ARF1: variants seen among roughly 807,000 people sequenced by gnomAD.
ARF1 encodes ARF GTPase 1, also known as ADP-ribosylation factor 1.
ARF1 carries 1 observed loss-of-function variant against 18.0 expected under a neutral mutation model. The observed-to-expected ratio is 0.06, with a 90% CI of 0.02 to 0.26. ARF1 has a LOEUF of 0.26. Ranked by LOEUF, ARF1 falls within the 10% of genes least tolerant of loss-of-function variation. ARF1 has a pLI of 1.00. For synonymous variants in ARF1, 112 were observed against 96.3 expected, an observed-to-expected ratio of 1.16 and a Z score of -0.95; for missense variants, 73 against 247.2, an observed-to-expected ratio of 0.30 and a Z score of 4.73.
chr1:228,094,042 TCTC>T (rs2032655303), intron 1 of ARF1, among the ~76,000 whole-genome samples: 1 of 150,828 alleles, frequency 6.6e-6, no homozygotes, highest in African/African-American at 2.4e-5. Flanking sequence ...GGCTGCATGA[TCTC>T]CTGGGCATGG....
At chr1:228,093,845 G>A (rs1010392588) in intron 1 of ARF1, among the ~76,000 whole-genome samples, 5 of 150,908 alleles carry the variant, frequency 3.3e-5, no homozygotes, top group East Asian at 2.0e-4. Context: ...AGAGAATCTC[G>A]AACCTGGGAG....
rs1031537964 is a variant in ARF1 at position 228,089,284 on chromosome 1, C to T, written c.-38+6519C>T. On this transcript the variant is annotated intron_variant, in intron 1 of 4. Transcript: ENST00000272102. This position sits in a 1 kb window ranked among gnomAD's most constrained non-coding sequence, Gnocchi z 4.1. ...TGAAGGGAGGTCCCCAGAGTGTCCCCGGGGTGTGCCTTTCTCTCACCTAGG... is the reference window on the plus strand; with the variant it reads ...TGAAGGGAGGTCCCCAGAGTGTCCCTGGGGTGTGCCTTTCTCTCACCTAGG... Among the ~76,000 whole-genome samples the T allele has an allele frequency of 2.6e-5, 4 of 152,146 alleles. No homozygotes were observed. Among genetic ancestry groups the T allele is most frequent in the African/African-American group, 9.7e-5 (4 of 41,428 alleles).
At chr1:228,094,031 AG>A (rs998576881) in intron 1 of ARF1, among the ~76,000 whole-genome samples, 1 of 151,590 alleles carries the variant, frequency 6.6e-6, no homozygotes, top group Non-Finnish European at 1.5e-5. Flanking sequence ...CACTGCCTGC[AG>A]GCTGCATGAT....
At chr1:228,094,907 C>T (rs753734291) in intron 1 of ARF1, among the ~76,000 whole-genome samples, 11 of 152,166 alleles carry the variant, frequency 7.2e-5, no homozygotes, top group Non-Finnish European at 1.0e-4. Context: ...TGGGTCTCAT[C>T]TAGGTCCTTG....
intron 1 of ARF1, chr1:228,088,350 G>A (rs2032472229): frequency 6.6e-6 from 1 of 152,156 alleles, no homozygotes; most frequent in East Asian, 1.9e-4. Flanking sequence ...AGCCTGCTGG[G>A]GTGTGCAGTG....
intron 1 of ARF1, among the ~76,000 whole-genome samples, chr1:228,087,083 C>T (rs2032425611): frequency 6.6e-6 from 1 of 152,146 alleles, no homozygotes; most frequent in African/African-American, 2.4e-5. Context: ...TTTTGAAAGC[C>T]TTCTAGGCAG....
chr1:228,093,955 CAAAAAAAA>C (rs869199671), intron 1 of ARF1, among the ~76,000 whole-genome samples: 3 of 51,154 alleles, frequency 5.9e-5, no homozygotes, highest in Admixed American at 1.9e-4. Flanking sequence ...GACTCTGTCT[CAAAAAAAA>C]AAAAAAAAAA....
In ARF1 at chr1:228,097,518, T is replaced by TG. The variant is rs1346914762; in HGVS notation, c.260-69dup. 37 of 1,613,518 alleles carry TG rather than the reference T, an allele frequency of 2.3e-5. No individual in the cohort carries two copies. The African/African-American group carries it at 4.4e-4, about 19-fold the overall frequency. Reference sequence around the variant, plus strand: ...TAGAGAGGGGGGGCCAGCCCATAGATGGGGCATCGATGCCCATAGATGCGG... The same window carrying TG: ...TAGAGAGGGGGGGCCAGCCCATAGATGGGGGCATCGATGCCCATAGATGCGG... On this transcript the variant is annotated intron_variant, in intron 3 of 4. Coordinates refer to ENST00000272102, the MANE Select transcript of ARF1 (RefSeq NM_001658.4). The surrounding 1 kb of genome is among the most constrained non-coding windows in gnomAD (Gnocchi z 8.1).
intron 1 of ARF1, among the ~76,000 whole-genome samples, chr1:228,086,481 A>G (rs1318200228): frequency 1.3e-5 from 2 of 151,230 alleles, no homozygotes; most frequent in Non-Finnish European, 2.9e-5. Context: ...GCGCCACTGC[A>G]CTCCAGCCTG....
intron 1 of ARF1, chr1:228,091,042 C>T (rs1294703135): frequency 6.6e-6 from 1 of 152,198 alleles, no homozygotes; most frequent in Non-Finnish European, 1.5e-5. Flanking sequence ...TTCACAAATA[C>T]CAAGAAGCAA....
intron 1 of ARF1, among the ~76,000 whole-genome samples, chr1:228,094,365 CT>C (rs2032668890): frequency 6.6e-6 from 1 of 152,118 alleles, no homozygotes; most frequent in African/African-American, 2.4e-5. Context: ...TTCCAACCCC[CT>C]AGTAATAACA....
In ARF1 at chr1:228,089,015, A is replaced by C. The variant is rs763819892; in HGVS notation, c.-38+6250A>C. 6.6e-6 allele frequency among the ~76,000 whole-genome samples: 1 copy of C among 152,158 alleles called. No homozygotes were observed. Among genetic ancestry groups the C allele is most frequent in the African/African-American group, 2.4e-5 (1 of 41,412 alleles). ...CACCTGGCTGACTGGTGTGCTGAGA[A>C]CACGCAGGAGGAGGCTGGAGACGGG... On this transcript the variant is annotated intron_variant, in intron 1 of 4. Transcript: ENST00000272102. The surrounding 1 kb of genome is among the most constrained non-coding windows in gnomAD (Gnocchi z 4.1).
At chr1:228,096,477 C>T (rs1448282871) in intron 1 of ARF1, 1 of 152,380 alleles carries the variant, frequency 6.6e-6, no homozygotes, top group East Asian at 1.9e-4. Context: ...GAGGCCCTTC[C>T]TGCTGGAGTC....
At position 228,098,603 on chromosome 1, in the gene ARF1, C is replaced by T. The variant is rs928595746; in HGVS notation, c.*590C>T. The T allele has an allele frequency of 2.0e-5, 3 of 152,622 alleles. No individual in the cohort carries two copies. Among genetic ancestry groups the T allele is most frequent in the Non-Finnish European group, 2.9e-5 (2 of 68,062 alleles). 9.5% of individuals were successfully genotyped at this position (152,622 alleles called of 1,614,324 possible). A position where few individuals can be genotyped will look rare whatever the true frequency, so the allele number is the denominator to read the frequency against. On this transcript the variant is annotated 3_prime_UTR_variant, in exon 5 of 5. Transcript: ENST00000272102. ...ATTCTGCATGGTCACAGTAGAGATC[C>T]CCGCAACTCGCTTGTCCTTGGGTCA...
At chr1:228,093,503 G>A (rs1036733498) in intron 1 of ARF1, among the ~76,000 whole-genome samples, 9 of 151,992 alleles carry the variant, frequency 5.9e-5, no homozygotes, top group African/African-American at 1.9e-4. Context: ...CGGTAGGAGA[G>A]ACCAAGCTGT....
chr1:228,086,054 G>C (rs1412732973), intron 1 of ARF1, among the ~76,000 whole-genome samples: 4 of 152,176 alleles, frequency 2.6e-5, no homozygotes, highest in Non-Finnish European at 5.9e-5. Context: ...TCCCAGAGTG[G>C]AGAGGGACTG....
At chr1:228,091,641 T>C (rs2032579843) in intron 1 of ARF1, among the ~76,000 whole-genome samples, 1 of 152,204 alleles carries the variant, frequency 6.6e-6, no homozygotes, top group African/African-American at 2.4e-5. Flanking sequence ...TGTGTCACAA[T>C]TGTGCCAGCC....
At chr1:228,093,013 C>CT (rs1226955734) in intron 1 of ARF1, among the ~76,000 whole-genome samples, 2 of 152,132 alleles carry the variant, frequency 1.3e-5, no homozygotes, top group Non-Finnish European at 2.9e-5. Flanking sequence ...TCCTAAAAGA[C>CT]TTTTTTTCCT....
At chr1:228,088,803 A>G (rs183490175) in intron 1 of ARF1, among the ~76,000 whole-genome samples, 1 of 152,226 alleles carries the variant, frequency 6.6e-6, no homozygotes, top group Non-Finnish European at 1.5e-5. Flanking sequence ...ATTGCATCAT[A>G]GTTGGGACAG....
Sources: gnomAD v4.1 joint callset for allele counts (sites outside exome capture counted in the v4.1 genomes callset) on GRCh38, gnomAD v4.1.1 for gene constraint, Gnocchi (gnomAD v3.1) non-coding constraint, MANE v1.5 for transcripts, NCBI Gene and HGNC (gene_info 2026-07-23, HGNC 2026-07-21) for gene names.